Variants in RAPGEF4 observed in about 807,000 individuals in gnomAD.
The protein encoded by RAPGEF4 is Rap guanine nucleotide exchange factor 4.
Under a neutral mutation model 147.9 loss-of-function variants are expected in RAPGEF4, and 66 were observed. The ratio of observed to expected loss-of-function variants is 0.45; its 90% confidence interval spans 0.37 to 0.55. The LOEUF is 0.55. Among genes scored for constraint, RAPGEF4 ranks in the 20% least tolerant of loss-of-function variants. The probability of loss-of-function intolerance (pLI) is 0.00; values close to 1 mark genes in which losing one functional copy is unlikely to be tolerated. For synonymous variants in RAPGEF4, 419 were observed against 442.7 expected (o/e 0.95, Z 0.67); for missense variants, 1,071 against 1,257.3 (o/e 0.85, Z 2.24).
At chr2:172,892,624 T>C (rs1040053389) in intron 4 of RAPGEF4, among the ~76,000 whole-genome samples, 3 of 152,256 alleles carry the variant, frequency 2.0e-5, no homozygotes, top group African/African-American at 7.2e-5. Flanking sequence ...CCCAGATTCC[T>C]GTCCTTTGGA....
intron 10 of RAPGEF4, among the ~76,000 whole-genome samples, chr2:172,975,075 A>G (rs1690924634): frequency 6.6e-6 from 1 of 152,226 alleles, no homozygotes; most frequent in Admixed American, 6.5e-5. Context: ...TTAAATTGGA[A>G]TTTCAGATGA....
intron 1 of RAPGEF4, among the ~76,000 whole-genome samples, chr2:172,794,342 C>A (rs1686142263): frequency 2.1e-5 from 2 of 96,732 alleles, no homozygotes; most frequent in African/African-American, 4.0e-5. Context: ...AGTGAAACTC[C>A]ATCTCAAAAA....
At chr2:172,820,702 C>T (rs143793407) in intron 4 of RAPGEF4, among the ~76,000 whole-genome samples, 57 of 152,258 alleles carry the variant, frequency 3.7e-4, no homozygotes, top group African/African-American at 1.1e-3. Context: ...AGAAAGTGCA[C>T]GTTTCTGTCT....
intron 29 of RAPGEF4, among the ~76,000 whole-genome samples, chr2:173,038,907 G>A (rs1007501792): frequency 5.3e-5 from 8 of 152,258 alleles, no homozygotes; most frequent in Middle Eastern, 3.4e-3. Context: ...TCCGTAACCT[G>A]CAAGGAAAAG....
intron 16 of RAPGEF4, among the ~76,000 whole-genome samples, chr2:172,997,930 T>G (rs1169713843): frequency 1.3e-5 from 2 of 152,198 alleles, no homozygotes; most frequent in Non-Finnish European, 2.9e-5. Context: ...TACCTGAGGT[T>G]TTTTATGTAG....
At chr2:172,918,003 C>A (rs775892664) in intron 5 of RAPGEF4, 129 bp downstream of exon 5, 5 of 814,862 alleles carry the variant, frequency 6.1e-6, no homozygotes, top group Non-Finnish European at 1.1e-5. Flanking sequence ...GATAAACAAA[C>A]CTGCCAGCTC....
chr2:172,816,591 C>T (rs1688531218), intron 4 of RAPGEF4, among the ~76,000 whole-genome samples: 1 of 152,082 alleles, frequency 6.6e-6, no homozygotes, highest in South Asian at 2.1e-4. Context: ...CAGTTCTTTC[C>T]CTTAGAGGAA....
At chr2:172,804,761 G>T (rs1470453335) in intron 3 of RAPGEF4, among the ~76,000 whole-genome samples, 1 of 152,160 alleles carries the variant, frequency 6.6e-6, no homozygotes, top group Non-Finnish European at 1.5e-5. Flanking sequence ...CCCCTGGATT[G>T]CTGAAGCCTA....
In RAPGEF4 at chr2:173,003,389, T is replaced by A. The variant is rs572179831; in HGVS notation, c.1658+2045T>A. 3.9e-5 allele frequency among the ~76,000 whole-genome samples: 6 copies of A among 152,264 alleles called. No individual in the cohort carries two copies. In the East Asian group the frequency reaches 1.2e-3, roughly 29 times the overall value. On this transcript the variant is annotated intron_variant, in intron 17 of 30. Transcript: ENST00000397081. ...TGTCTGTAGACGGGGGAATCCAGGG[T>A]GACTGGGTATAATCTGTATTATCTA...
chr2:172,996,425 C>A, intron 15 of RAPGEF4, 41 bp from the exon 16 acceptor site: 1 of 1,236,230 alleles, frequency 8.1e-7, no homozygotes, highest in Non-Finnish European at 1.1e-6. Flanking sequence ...AATGATTTGC[C>A]CACTTTTGAA....
chr2:173,019,561 T>C (rs1002116394), intron 22 of RAPGEF4, among the ~76,000 whole-genome samples: 15 of 152,258 alleles, frequency 9.9e-5, no homozygotes, highest in Non-Finnish European at 2.1e-4. Context: ...CAGTCATGAT[T>C]TGACAGCCAT....
chr2:172,987,405 C>G (rs1040190140), intron 12 of RAPGEF4, among the ~76,000 whole-genome samples: 1 of 152,216 alleles, frequency 6.6e-6, no homozygotes, highest in Non-Finnish European at 1.5e-5. Flanking sequence ...AACTCCTACC[C>G]TGAATGTAGT....
intron 1 of RAPGEF4, among the ~76,000 whole-genome samples, chr2:172,774,855 C>G (rs543814270): frequency 3.3e-4 from 51 of 152,294 alleles, no homozygotes; most frequent in Admixed American, 9.8e-4. Flanking sequence ...ACATGCTAGA[C>G]ATGTACCAGT....
chr2:172,751,129 C>T (rs530142919), intron 1 of RAPGEF4, among the ~76,000 whole-genome samples: 40 of 152,352 alleles, frequency 2.6e-4, no homozygotes, highest in African/African-American at 9.4e-4. Context: ...CTGCCTCATA[C>T]TGTCTTCCAT....
At chr2:172,907,924 A>G (rs1006035638) in intron 4 of RAPGEF4, among the ~76,000 whole-genome samples, 1 of 152,224 alleles carries the variant, frequency 6.6e-6, no homozygotes, top group African/African-American at 2.4e-5. Context: ...GTCCTGAAAG[A>G]TGGTGCTGTT....
chr2:172,834,603 G>A (rs966520372), intron 4 of RAPGEF4, among the ~76,000 whole-genome samples: 4 of 152,122 alleles, frequency 2.6e-5, no homozygotes, highest in Admixed American at 6.5e-5. Flanking sequence ...CCAAGCAACT[G>A]CTTTTTTCTT....
intron 3 of RAPGEF4, among the ~76,000 whole-genome samples, chr2:172,805,055 G>A (rs1440091845): frequency 6.6e-6 from 1 of 152,182 alleles, no homozygotes; most frequent in Non-Finnish European, 1.5e-5. Flanking sequence ...TCAGATAGTG[G>A]CATGGATTCC....
chr2:172,845,496 G>T (rs1452258397), intron 4 of RAPGEF4, among the ~76,000 whole-genome samples: 1 of 151,980 alleles, frequency 6.6e-6, no homozygotes, highest in Non-Finnish European at 1.5e-5. Context: ...GGTGATAGAA[G>T]GCAGCAAAAA....
chr2:173,003,712 CTCTCTT>C (rs1694178304), intron 17 of RAPGEF4, among the ~76,000 whole-genome samples: 1 of 151,230 alleles, frequency 6.6e-6, no homozygotes, highest in South Asian at 2.1e-4. Flanking sequence ...TTTTCTCTCT[CTCTCTT>C]CACAACTTAT....
Sources: gnomAD v4.1 joint callset for allele counts (sites outside exome capture counted in the v4.1 genomes callset) on GRCh38, gnomAD v4.1.1 for gene constraint, MANE v1.5 for transcripts, NCBI Gene and HGNC (gene_info 2026-07-23, HGNC 2026-07-21) for gene names.